Variants in CSRNP2 observed in about 807,000 individuals in gnomAD.
CSRNP2 encodes cysteine and serine rich nuclear protein 2.
In CSRNP2, 11 loss-of-function variants were observed where a neutral mutation model predicts 36.6. The ratio of observed to expected loss-of-function variants is 0.30; its 90% confidence interval spans 0.19 to 0.50. The LOEUF is 0.50. Among genes scored for constraint, CSRNP2 ranks in the 20% least tolerant of loss-of-function variants. The pLI is 0.98. For missense variants in CSRNP2, 483 were observed against 691.4 expected, an observed-to-expected ratio of 0.70 and a Z score of 3.38; for synonymous variants, 248 against 275.3, an observed-to-expected ratio of 0.90 and a Z score of 0.98.
rs556466810 is a variant in CSRNP2, at chr12:51,069,680, GT to G, written c.412-1712del. On this transcript the variant is annotated intron_variant, in intron 3 of 4. Transcript: ENST00000228515. The stretch of plus-strand genomic sequence containing the variant: ...GTACTATGTACAGGCAGAAATCTGG[GT>G]TTTTTTTTTTCTTTTTTTTCTTTTT... 2.3e-3 allele frequency among the ~76,000 whole-genome samples: 331 copies of G among 141,768 alleles called. 20 individuals are homozygous for G. The highest frequency in any genetic ancestry group is 7.5e-3 in the African/African-American group (278 of 37,290). 93.0% of individuals were successfully genotyped at this position (141,768 alleles called of 152,430 possible).
chr12:51,081,119 C>T (rs1436012743), intron 1 of CSRNP2, among the ~76,000 whole-genome samples: 2 of 152,048 alleles, frequency 1.3e-5, no homozygotes, highest in African/African-American at 4.8e-5. Context: ...AAAACCCCAC[C>T]TCTATTAAAA....
chr12:51,067,863 A>C lies in CSRNP2; in HGVS notation c.518T>G (p.Phe173Cys). Reference sequence around the variant, plus strand: ...TTTGGTGGGCAGAGGCTGCAGGAAGAAGTAATCATCCACCTCCACATTTTC... The same window carrying C: ...TTTGGTGGGCAGAGGCTGCAGGAAGCAGTAATCATCCACCTCCACATTTTC... The part of the protein sequence containing the change: ...DVENVEVDDY[F>C]FLQPLPTKRR... The change falls in exon 4 of 5, where the codon TTC (phenylalanine) becomes TGC (cysteine). Residue 173 changes from phenylalanine (F) to cysteine (C), a missense_variant. Phe to Cys is a radical substitution (Grantham distance 205). Coordinates refer to ENST00000228515, the MANE Select transcript of CSRNP2 (RefSeq NM_030809.3). The surrounding 1 kb of genome is among the most constrained non-coding windows in gnomAD (Gnocchi z 4.1). 1 of 1,614,202 alleles carries C rather than the reference A, an allele frequency of 6.2e-7. No homozygotes were observed. The highest frequency in any genetic ancestry group is 8.5e-7 in the Non-Finnish European group (1 of 1,180,034).
chr12:51,081,428 C>T (rs1215321317), intron 1 of CSRNP2: 1 of 152,144 alleles, frequency 6.6e-6, no homozygotes, highest in Non-Finnish European at 1.5e-5. Context: ...TCATTCCTAC[C>T]TCTCTCAATT....
Position 51,063,683 on chromosome 12 carries a change from T to C in CSRNP2, c.*63A>G. 2.3e-6 allele frequency: 3 copies of C among 1,279,150 alleles called. No individual in the cohort carries two copies. The highest frequency in any genetic ancestry group is 1.5e-5 in the African/African-American group (1 of 67,038). 79.2% of individuals were successfully genotyped at this position (1,279,150 alleles called of 1,614,324 possible). Reference sequence around the variant, plus strand: ...CTGCTTCTACAGTTTTGTTTTGAAATGGTGTTAGATAAAATAAGGGAATAA... The same window carrying C: ...CTGCTTCTACAGTTTTGTTTTGAAACGGTGTTAGATAAAATAAGGGAATAA... On this transcript the variant is annotated 3_prime_UTR_variant, in exon 5 of 5. Transcript: ENST00000228515.
intron 3 of CSRNP2, among the ~76,000 whole-genome samples, chr12:51,072,562 CAAAAA>C (rs71089741): frequency 1.0e-4 from 7 of 66,934 alleles, no homozygotes; most frequent in Admixed American, 1.8e-4. Flanking sequence ...GGCTCCGTCT[CAAAAA>C]AAAAAAAAAA....
In CSRNP2 at chr12:51,076,564, G is replaced by A. The variant is rs768254083; in HGVS notation, c.-3C>T. 6 of 1,614,008 alleles carry A rather than the reference G, an allele frequency of 3.7e-6. No individual in the cohort carries two copies. The Admixed American group carries it at 6.7e-5, about 18-fold the overall frequency. On this transcript the variant is annotated 5_prime_UTR_variant, in exon 2 of 5. Coordinates refer to ENST00000228515, the MANE Select transcript of CSRNP2 (RefSeq NM_030809.3). ...CCCGAGCCCGTGAATGCATCCATTGGTTTCAAAGGGGTTTCCTTGGGGAGC... is the reference window on the plus strand; with the variant it reads ...CCCGAGCCCGTGAATGCATCCATTGATTTCAAAGGGGTTTCCTTGGGGAGC...
chr12:51,067,984 G>A lies in CSRNP2; in HGVS notation c.412-15C>T. 6.2e-7 allele frequency: 1 copy of A among 1,610,472 alleles called. No homozygotes were observed. The highest frequency in any genetic ancestry group is 8.5e-7 in the Non-Finnish European group (1 of 1,177,484). On this transcript the variant is annotated splice_polypyrimidine_tract_variant and intron_variant, in intron 3 of 4. Transcript: ENST00000228515. The surrounding 1 kb of genome is among the most constrained non-coding windows in gnomAD (Gnocchi z 4.1). ...TTCTTGGTCAGCTGCCAAGAGACAG[G>A]AAAGGTTAGCCTCATAGACATGAGC... is the stretch of plus-strand genomic sequence containing the variant.
At chr12:51,069,807 C>G (rs193079507) in intron 3 of CSRNP2, among the ~76,000 whole-genome samples, 1 of 151,896 alleles carries the variant, frequency 6.6e-6, no homozygotes, top group Admixed American at 6.6e-5. Flanking sequence ...ATTCTCCTGC[C>G]TTAGCCTCCC....
chr12:51,069,533 C>G (rs1938850493), intron 3 of CSRNP2, among the ~76,000 whole-genome samples: 1 of 150,152 alleles, frequency 6.7e-6, no homozygotes, highest in Non-Finnish European at 1.5e-5. Flanking sequence ...CTGATACACC[C>G]AACTCCACCT....
Position 51,067,229 on chromosome 12 carries a change from T to C in CSRNP2, c.708+444A>G, listed in dbSNP as rs1592748670. Among the ~76,000 whole-genome samples, 1 of 150,236 alleles carries C rather than the reference T, an allele frequency of 6.7e-6. No individual in the cohort carries two copies. On this transcript the variant is annotated intron_variant, in intron 4 of 4. Transcript: ENST00000228515. This position sits in a 1 kb window ranked among gnomAD's most constrained non-coding sequence, Gnocchi z 4.1. ...TAGGAAACATTTACTAAATGTTAAA[T>C]GTACTAACTCCTCTTCATCCCTTTC...
chr12:51,082,618 C>A (rs1176805728), intron 1 of CSRNP2: 2 of 152,218 alleles, frequency 1.3e-5, no homozygotes, highest in Non-Finnish European at 2.9e-5. Context: ...CACACTGCCA[C>A]TCTCAACCCC....
At chr12:51,081,852 A>C (rs530929777) in intron 1 of CSRNP2, among the ~76,000 whole-genome samples, 11 of 151,052 alleles carry the variant, frequency 7.3e-5, no homozygotes, top group African/African-American at 2.7e-4. Flanking sequence ...ACAACAACAA[A>C]AAAAAACAGC....
In CSRNP2 at chr12:51,067,412, G is replaced by A. The variant is rs532234990; in HGVS notation, c.708+261C>T. ...GCTGGCGTGCACTGGTGTGAACTCA[G>A]CTCACTGCAGCCTTGACCTCCTGGA... On this transcript the variant is annotated intron_variant, in intron 4 of 4. Coordinates refer to ENST00000228515, the MANE Select transcript of CSRNP2 (RefSeq NM_030809.3). This position sits in a 1 kb window ranked among gnomAD's most constrained non-coding sequence, Gnocchi z 4.1. Among the ~76,000 whole-genome samples the A allele has an allele frequency of 1.6e-4, 25 of 152,210 alleles. No individual in the cohort carries two copies. The Middle Eastern group carries it at 0.014, about 83-fold the overall frequency.
At chr12:51,081,817 AAAAC>A (rs139244355) in intron 1 of CSRNP2, among the ~76,000 whole-genome samples, 114,823 of 150,606 alleles carry the variant, frequency 0.76, 43,906 homozygotes, top group Admixed American at 0.81. Flanking sequence ...TATAACCACC[AAAAC>A]AAACAAACAA....
rs548123151 is a variant in CSRNP2 at position 51,064,342 on chromosome 12, T to G, written c.1036A>C (p.Ser346Arg). ...TCGATGCTCGAGTCCAGGCTGGCAC[T>G]AGAGCCGCTGGAATCTTCTTCTGCC... is the stretch of plus-strand genomic sequence containing the variant. ...LKAEEDSSGS[S>R]ASLDSSIESL... The change falls in exon 5 of 5, where the codon AGT becomes CGT. Residue 346 changes from serine (S) to arginine (R), a missense_variant. Around this residue, in one of 2 missense-constraint regions of CSRNP2, gnomAD observed 277 missense variants for 323.6 expected, o/e 0.86. Transcript: ENST00000228515. 1 of 1,614,206 alleles carries G rather than the reference T, an allele frequency of 6.2e-7. No individual in the cohort carries two copies. The highest frequency in any genetic ancestry group is 1.7e-5 in the Admixed American group (1 of 60,032).
intron 3 of CSRNP2, among the ~76,000 whole-genome samples, chr12:51,072,342 G>A (rs1488445501): frequency 2.6e-5 from 4 of 151,764 alleles, no homozygotes; most frequent in Admixed American, 6.6e-5. Context: ...GGCAGATCAC[G>A]AGGTCAGGAG....
Position 51,062,412 on chromosome 12 carries a change from A to G in CSRNP2, c.*1334T>C, listed in dbSNP as rs1231522571. On this transcript the variant is annotated 3_prime_UTR_variant, in exon 5 of 5. Coordinates refer to ENST00000228515, the MANE Select transcript of CSRNP2 (RefSeq NM_030809.3). ...CAAAGATCACTTTGCTAATGAAAGG[A>G]AATCAGTGCTGTTCAATGGAGATCT... 1 of 152,246 alleles carries G rather than the reference A, an allele frequency of 6.6e-6. No homozygotes were observed. Among genetic ancestry groups the G allele is most frequent in the Non-Finnish European group, 1.5e-5 (1 of 68,040 alleles). 9.4% of individuals were successfully genotyped at this position (152,246 alleles called of 1,614,324 possible).
At chr12:51,078,469 T>A (rs1939486486) in intron 1 of CSRNP2, among the ~76,000 whole-genome samples, 1 of 152,192 alleles carries the variant, frequency 6.6e-6, no homozygotes, top group South Asian at 2.1e-4. Flanking sequence ...TCAGTTTAGT[T>A]CTTCATGTTA....
intron 1 of CSRNP2, among the ~76,000 whole-genome samples, chr12:51,079,759 G>A (rs1319775012): frequency 2.1e-5 from 2 of 94,486 alleles, no homozygotes; most frequent in African/African-American, 4.0e-5. Context: ...GCAACAGAGG[G>A]AGACCTTGTC....
Sources: allele counts gnomAD v4.1 joint callset (sites outside exome capture counted in the v4.1 genomes callset), GRCh38; gene constraint gnomAD v4.1.1; regional missense constraint gnomAD v4.1.1; non-coding constraint Gnocchi (gnomAD v3.1); transcripts MANE v1.5; gene names NCBI Gene and HGNC (gene_info 2026-07-23, HGNC 2026-07-21).